AP1S3: variants seen among roughly 807,000 people sequenced by gnomAD.
The protein encoded by AP1S3 is adaptor related protein complex 1 subunit sigma 3.
Under a neutral mutation model 20.9 loss-of-function variants are expected in AP1S3, and 10 were observed. The observed-to-expected ratio is 0.48, with a 90% CI of 0.29 to 0.81. AP1S3 has a LOEUF of 0.81. Ranked by LOEUF, AP1S3 falls within the 30% of genes least tolerant of loss-of-function variation. The pLI, the probability that AP1S3 is intolerant of heterozygous loss-of-function variation, is 0.08. For missense variants in AP1S3, 154 were observed against 183.8 expected (o/e 0.84, Z 0.94); for synonymous variants, 41 against 61.5 (o/e 0.67, Z 1.56).
chr2:223,766,662 C>T (rs1033388248), intron 3 of AP1S3, among the ~76,000 whole-genome samples: 1 of 152,156 alleles, frequency 6.6e-6, no homozygotes, highest in African/African-American at 2.4e-5. Flanking sequence ...CCTCAAGGAT[C>T]TAGAGCCAGA....
chr2:223,776,504 C>G (rs1690787639), intron 2 of AP1S3, among the ~76,000 whole-genome samples: 1 of 152,096 alleles, frequency 6.6e-6, no homozygotes, highest in African/African-American at 2.4e-5. Flanking sequence ...GTAATTTACT[C>G]CATTGAATAT....
At chr2:223,828,071 A>G (rs950988131) in intron 1 of AP1S3, among the ~76,000 whole-genome samples, 11 of 38,570 alleles carry the variant, frequency 2.9e-4, no homozygotes, top group East Asian at 2.1e-3. Context: ...AAAAAAAAAA[A>G]AAAAAAAAAA....
intron 1 of AP1S3, among the ~76,000 whole-genome samples, chr2:223,792,887 CA>C (rs750489177): frequency 1.3e-5 from 2 of 151,820 alleles, no homozygotes; most frequent in Non-Finnish European, 2.9e-5. Flanking sequence ...AACAAACAAA[CA>C]AACAAACCCA....
chr2:223,766,780 A>G (rs1690495008), intron 3 of AP1S3, among the ~76,000 whole-genome samples: 1 of 152,250 alleles, frequency 6.6e-6, no homozygotes, highest in African/African-American at 2.4e-5. Context: ...CACTGTTCAC[A>G]GTAGCAAAGA....
intron 1 of AP1S3, among the ~76,000 whole-genome samples, chr2:223,835,833 A>G (rs1299111154): frequency 1.3e-5 from 2 of 152,110 alleles, no homozygotes; most frequent in Admixed American, 6.6e-5. Flanking sequence ...ACCTTGGCCC[A>G]TTCCTCAGCA....
chr2:223,755,377 T>A lies in AP1S3; in HGVS notation c.*3338A>T. Among the ~76,000 whole-genome samples, 1 of 152,174 alleles carries A rather than the reference T, an allele frequency of 6.6e-6. No homozygotes were observed. The highest frequency in any genetic ancestry group is 1.5e-5 in the Non-Finnish European group (1 of 68,036). On this transcript the variant is annotated 3_prime_UTR_variant, in exon 5 of 5. Coordinates refer to ENST00000396654, the MANE Select transcript of AP1S3 (RefSeq NM_001039569.2). ...TTTATTTTGGAAGTTTTATAGAAAT[T>A]TAACATTTACTGTCTTTCTCTTGGT...
At position 223,809,792 on chromosome 2, in the gene AP1S3, G is replaced by A. The variant is rs189122722; in HGVS notation, c.3+27656C>T. Among the ~76,000 whole-genome samples, 52 of 149,804 alleles carry A rather than the reference G, an allele frequency of 3.5e-4. No homozygotes were observed. In the East Asian group the frequency reaches 7.7e-3, roughly 22 times the overall value. On this transcript the variant is annotated intron_variant, in intron 1 of 4. Coordinates refer to ENST00000396654, the MANE Select transcript of AP1S3 (RefSeq NM_001039569.2). ...CGCCCAGGCTGGAATGCAGTGGCGC[G>A]ATCTCAGTTCACTGTAACCTCTGCC...
intron 1 of AP1S3, among the ~76,000 whole-genome samples, chr2:223,794,079 C>T (rs1169389220): frequency 6.6e-6 from 1 of 151,810 alleles, no homozygotes; most frequent in Non-Finnish European, 1.5e-5. Flanking sequence ...GTTTTTTTTC[C>T]TACAATAGGT....
chr2:223,817,674 T>C (rs1267436233), intron 1 of AP1S3, among the ~76,000 whole-genome samples: 1 of 151,200 alleles, frequency 6.6e-6, no homozygotes, highest in African/African-American at 2.4e-5. Context: ...TGGGGAAAGA[T>C]GCCCTGTTTG....
At chr2:223,825,713 C>G (rs1692112313) in intron 1 of AP1S3, among the ~76,000 whole-genome samples, 1 of 152,014 alleles carries the variant, frequency 6.6e-6, no homozygotes, top group South Asian at 2.1e-4. Flanking sequence ...ATAATAACCA[C>G]TGCAGTTAAG....
chr2:223,758,622 G>T lies in AP1S3; in HGVS notation c.*93C>A. The T allele has an allele frequency of 1.4e-6, 2 of 1,439,948 alleles. No individual in the cohort carries two copies. The highest frequency in any genetic ancestry group is 2.5e-5 in the East Asian group (1 of 39,320). The allele number at this position is 1,439,948 out of a possible 1,614,324, so 89.2% of individuals were successfully genotyped here. A position where few individuals can be genotyped will look rare whatever the true frequency, so the allele number is the denominator to read the frequency against. On this transcript the variant is annotated 3_prime_UTR_variant, in exon 5 of 5. Coordinates refer to ENST00000396654, the MANE Select transcript of AP1S3 (RefSeq NM_001039569.2). ...ATCCCTTTAAATTATTTTTGGCATG[G>T]TGCCTGAGGCTCCATCAAAAAACCG...
At chr2:223,783,271 T>A (rs1428621321) in intron 1 of AP1S3, among the ~76,000 whole-genome samples, 2 of 152,130 alleles carry the variant, frequency 1.3e-5, no homozygotes, top group Non-Finnish European at 2.9e-5. Flanking sequence ...CCCAAATGCT[T>A]GGAACCAGGT....
At position 223,788,480 on chromosome 2, in the gene AP1S3, G is replaced by A. The variant is rs922475465; in HGVS notation, c.4-10611C>T. Among the ~76,000 whole-genome samples, 18 of 151,730 alleles carry A rather than the reference G, an allele frequency of 1.2e-4. 1 individual carries two copies. Among genetic ancestry groups the A allele is most frequent in the South Asian group, 4.2e-4 (2 of 4,788 alleles). ...CTACAAAAATTAGCTGGGGCTGGGC[G>A]CGGTGGCTCACGCCTGTAATCCCAG... On this transcript the variant is annotated intron_variant, in intron 1 of 4. Coordinates refer to ENST00000396654, the MANE Select transcript of AP1S3 (RefSeq NM_001039569.2).
At chr2:223,810,396 T>C (rs1297955657) in intron 1 of AP1S3, among the ~76,000 whole-genome samples, 1 of 152,006 alleles carries the variant, frequency 6.6e-6, no homozygotes, top group East Asian at 1.9e-4. Context: ...CACTATAGCC[T>C]CAACCTCCTG....
Position 223,756,235 on chromosome 2 carries a change from G to A in AP1S3, c.*2480C>T, listed in dbSNP as rs1690212326. 6.6e-6 allele frequency among the ~76,000 whole-genome samples: 1 copy of A among 152,128 alleles called. No individual in the cohort carries two copies. Among genetic ancestry groups the A allele is most frequent in the Admixed American group, 6.5e-5 (1 of 15,270 alleles). On this transcript the variant is annotated 3_prime_UTR_variant, in exon 5 of 5. Transcript: ENST00000396654. ...GCCTATAATCCCAGCTACTCGGGAG[G>A]CTGAGGCAGGAGAATCGTTTGAACC...
In AP1S3 at chr2:223,777,675, A is replaced by G; in HGVS notation, c.182+16T>C. On this transcript the variant is annotated intron_variant, in intron 2 of 4. Transcript: ENST00000396654. ...AGTAAGACTGAGAAATTGAGCTCTCAAAAAGTTACTCACACCTTTTATAAA... is the reference window on the plus strand; with the variant it reads ...AGTAAGACTGAGAAATTGAGCTCTCGAAAAGTTACTCACACCTTTTATAAA... The G allele has an allele frequency of 6.2e-7, 1 of 1,608,266 alleles. No homozygotes were observed. Among genetic ancestry groups the G allele is most frequent in the African/African-American group, 1.3e-5 (1 of 74,822 alleles).
rs1559270524 is a variant in AP1S3, at chr2:223,755,528, C to CCT, written c.*3186_*3187insAG. 1.2e-5 allele frequency among the ~76,000 whole-genome samples: 1 copy of CCT among 80,976 alleles called. No homozygotes were observed. Among genetic ancestry groups the CCT allele is most frequent in the Admixed American group, 1.9e-4 (1 of 5,136 alleles). The allele number at this position is 80,976 out of a possible 152,430, so 53.1% of individuals were successfully genotyped here. A position where few individuals can be genotyped will look rare whatever the true frequency, so the allele number is the denominator to read the frequency against. On this transcript the variant is annotated 3_prime_UTR_variant, in exon 5 of 5. Coordinates refer to ENST00000396654, the MANE Select transcript of AP1S3 (RefSeq NM_001039569.2). Reference sequence around the variant, plus strand: ...CCATATAGATATGTTTACTTACTTTCATTTTTTTTTTTTTTTTTTTGAGAC... The same window carrying CCT: ...CCATATAGATATGTTTACTTACTTTCCTATTTTTTTTTTTTTTTTTTTGAGAC...
intron 1 of AP1S3, among the ~76,000 whole-genome samples, chr2:223,817,398 C>T (rs377351626): frequency 6.6e-6 from 1 of 151,968 alleles, no homozygotes; most frequent in Non-Finnish European, 1.5e-5. Context: ...CACCTGAGGT[C>T]GGGAGTTCGA....
Position 223,782,089 on chromosome 2 carries a change from G to A in AP1S3, c.4-4220C>T, listed in dbSNP as rs185490312. ...GGCAGTGGCGCCATCTTGGCTTACTGCAACCTCTACTTCCTAGGCTCAAGT... is the reference window on the plus strand; with the variant it reads ...GGCAGTGGCGCCATCTTGGCTTACTACAACCTCTACTTCCTAGGCTCAAGT... On this transcript the variant is annotated intron_variant, in intron 1 of 4. Transcript: ENST00000396654. Among the ~76,000 whole-genome samples, 332 of 148,514 alleles carry A rather than the reference G, an allele frequency of 2.2e-3. 3 individuals carry two copies. Among genetic ancestry groups the A allele is most frequent in the African/African-American group, 7.8e-3 (313 of 40,054 alleles).
Sources: gnomAD v4.1 joint callset for allele counts (sites outside exome capture counted in the v4.1 genomes callset) on GRCh38, gnomAD v4.1.1 for gene constraint, MANE v1.5 for transcripts, NCBI Gene and HGNC (gene_info 2026-07-23, HGNC 2026-07-21) for gene names.